The following PRKG1 variants were observed in gnomAD, a reference collection of about 807,000 sequenced individuals.
PRKG1 encodes protein kinase cGMP-dependent 1, also known as cGMP-dependent protein kinase 1.
In PRKG1, 35 loss-of-function variants were observed where a neutral mutation model predicts 88.1. The observed-to-expected ratio is 0.40, with a 90% CI of 0.30 to 0.53. PRKG1 has a LOEUF of 0.53. PRKG1 is among the 20% of genes least tolerant of loss of function. The pLI is 0.59. For missense variants in PRKG1, 540 were observed against 839.8 expected (o/e 0.64, Z 4.41); for synonymous variants, 303 against 292.5 (o/e 1.04, Z -0.37).
At chr10:51,300,383 G>A (rs745999431) in intron 2 of PRKG1, among the ~76,000 whole-genome samples, 4 of 152,180 alleles carry the variant, frequency 2.6e-5, no homozygotes, top group Non-Finnish European at 5.9e-5. Flanking sequence ...CGGGATTTAT[G>A]AAAGTTGTGG....
chr10:51,488,855 A>G (rs1191939807), intron 3 of PRKG1, among the ~76,000 whole-genome samples: 1 of 152,012 alleles, frequency 6.6e-6, no homozygotes, highest in African/African-American at 2.4e-5. Flanking sequence ...TCTACTATTC[A>G]TCCGTTTCAG....
chr10:51,302,202 C>T (rs988090620), intron 2 of PRKG1, among the ~76,000 whole-genome samples: 2 of 152,078 alleles, frequency 1.3e-5, no homozygotes, highest in Non-Finnish European at 2.9e-5. Flanking sequence ...TTGACTGGTA[C>T]GTTAATTAAT....
chr10:51,671,838 G>A (rs997951281), intron 3 of PRKG1, among the ~76,000 whole-genome samples: 10 of 152,014 alleles, frequency 6.6e-5, no homozygotes, highest in East Asian at 3.9e-4. Flanking sequence ...TGCCTGCCTC[G>A]GCCTCCCATC....
intron 1 of PRKG1, among the ~76,000 whole-genome samples, chr10:51,035,394 A>C (rs1450510295): frequency 6.6e-6 from 1 of 152,204 alleles, no homozygotes; most frequent in African/African-American, 2.4e-5. Context: ...GTCATTTCAT[A>C]ATTTGTTGGT....
At chr10:51,158,216 T>C (rs1846263254) in intron 2 of PRKG1, among the ~76,000 whole-genome samples, 1 of 151,938 alleles carries the variant, frequency 6.6e-6, no homozygotes, top group Admixed American at 6.6e-5. Context: ...TTAATTCTCA[T>C]AATGACATTA....
At chr10:51,780,855 G>A (rs1342484778) in intron 3 of PRKG1, among the ~76,000 whole-genome samples, 1 of 152,144 alleles carries the variant, frequency 6.6e-6, no homozygotes, top group Non-Finnish European at 1.5e-5. Context: ...AAACCAAGAA[G>A]ATGGCCTATT....
At chr10:52,084,912 T>A (rs976144166) in intron 7 of PRKG1, among the ~76,000 whole-genome samples, 1 of 152,072 alleles carries the variant, frequency 6.6e-6, no homozygotes, top group African/African-American at 2.4e-5. Flanking sequence ...GCTTTCTTTG[T>A]CTTGGTGCAG....
chr10:52,270,548 T>C (rs955203258), intron 10 of PRKG1, among the ~76,000 whole-genome samples: 1 of 151,828 alleles, frequency 6.6e-6, no homozygotes, highest in South Asian at 2.1e-4. Flanking sequence ...CCATAAAAAA[T>C]GATGAGTTCA....
chr10:51,470,480 A>C (rs1840022356), intron 3 of PRKG1, among the ~76,000 whole-genome samples: 1 of 151,880 alleles, frequency 6.6e-6, no homozygotes, highest in African/African-American at 2.4e-5. Flanking sequence ...CATGATTGAA[A>C]ATGTTGATGA....
rs183999064 is a variant in PRKG1, at chr10:51,525,502, T to A, written c.592+57666T>A. ...TCACGAGGTCAGGAAATCGAGACCA[T>A]CCTGACTAACATGGTGAAACCTTGT... On this transcript the variant is annotated intron_variant, in intron 3 of 17. Transcript: ENST00000373980. Among the ~76,000 whole-genome samples the A allele has an allele frequency of 7.8e-4, 118 of 152,088 alleles. 1 individual carries two copies. The highest frequency in any genetic ancestry group is 2.8e-3 in the African/African-American group (118 of 41,514).
chr10:51,076,265 G>A (rs1192239598), intron 1 of PRKG1, among the ~76,000 whole-genome samples: 2 of 152,134 alleles, frequency 1.3e-5, no homozygotes, highest in African/African-American at 2.4e-5. Context: ...GAGACAATAA[G>A]GATAAACATT....
chr10:51,197,223 T>C (rs1215864950), intron 2 of PRKG1, among the ~76,000 whole-genome samples: 1 of 152,110 alleles, frequency 6.6e-6, no homozygotes. Context: ...AAAAAGGAAA[T>C]AAAATATCTG....
At chr10:51,492,895 A>C (rs1840743846) in intron 3 of PRKG1, among the ~76,000 whole-genome samples, 1 of 152,178 alleles carries the variant, frequency 6.6e-6, no homozygotes, top group Admixed American at 6.5e-5. Context: ...CATCAAGTAG[A>C]AAAAAGATTA....
intron 3 of PRKG1, among the ~76,000 whole-genome samples, chr10:51,711,312 G>A (rs1825636574): frequency 6.6e-6 from 1 of 151,928 alleles, no homozygotes; most frequent in African/African-American, 2.4e-5. Flanking sequence ...CATCGTGTTA[G>A]CCAGGATGGT....
chr10:52,116,771 A>G (rs1847696852), intron 7 of PRKG1, among the ~76,000 whole-genome samples: 2 of 151,956 alleles, frequency 1.3e-5, no homozygotes. Context: ...GATCCAGGTT[A>G]TTTTCGTGTA....
rs1841306456 is a variant in PRKG1, at chr10:52,256,291, G to A, written c.1173+4625G>A. 2.2e-5 allele frequency among the ~76,000 whole-genome samples: 3 copies of A among 138,760 alleles called. 1 individual carries two copies. In the South Asian group the frequency reaches 6.9e-4, roughly 32 times the overall value. 91.0% of individuals were successfully genotyped at this position (138,760 alleles called of 152,430 possible). A position where few individuals can be genotyped will look rare whatever the true frequency, so the allele number is the denominator to read the frequency against. On this transcript the variant is annotated intron_variant, in intron 10 of 17. Transcript: ENST00000373980. ...TTGTCTGCTGTGTGCCTCTCTTTTT[G>A]TTATATCCTCAGAGGCTCCCCTTTC...
intron 5 of PRKG1, among the ~76,000 whole-genome samples, chr10:52,029,281 C>T (rs867219336): frequency 6.6e-6 from 1 of 152,208 alleles, no homozygotes; most frequent in Admixed American, 6.5e-5. Context: ...AAATGAATTT[C>T]TTTCCATTAT....
chr10:51,521,219 C>T (rs979709824), intron 3 of PRKG1, among the ~76,000 whole-genome samples: 3 of 152,158 alleles, frequency 2.0e-5, no homozygotes, highest in Non-Finnish European at 4.4e-5. Flanking sequence ...ACCCAGGAGG[C>T]GGAGGTTGCA....
At chr10:51,178,576 G>A (rs1168523608) in intron 2 of PRKG1, among the ~76,000 whole-genome samples, 1 of 152,138 alleles carries the variant, frequency 6.6e-6, no homozygotes, top group Non-Finnish European at 1.5e-5. Context: ...GGTCAAGGCT[G>A]CAGTGAGCTT....
Sources: gnomAD v4.1 joint callset for allele counts (sites outside exome capture counted in the v4.1 genomes callset) on GRCh38, gnomAD v4.1.1 for gene constraint, MANE v1.5 for transcripts, NCBI Gene and HGNC (gene_info 2026-07-23, HGNC 2026-07-21) for gene names.